RAPGEF2: variants seen among roughly 807,000 people sequenced by gnomAD.
RAPGEF2 encodes the protein PDZ domain containing guanine nucleotide exchange factor (GEF) 1.
RAPGEF2 carries 54 observed loss-of-function variants against 186.7 expected under a neutral mutation model. That is an observed-to-expected ratio of 0.29 (90% CI 0.23 to 0.36). RAPGEF2 has a LOEUF of 0.36. Ranked by LOEUF, RAPGEF2 falls within the 10% of genes least tolerant of loss-of-function variation. The probability of loss-of-function intolerance (pLI) is 1.00; values close to 1 mark genes in which losing one functional copy is unlikely to be tolerated. For synonymous variants in RAPGEF2, 712 were observed against 705.9 expected (o/e 1.01, Z -0.14); for missense variants, 1,532 against 2,045.0 (o/e 0.75, Z 4.84).
At chr4:159,327,091 T>C (rs1766027866) in intron 11 of RAPGEF2, 1 of 152,222 alleles carries the variant, frequency 6.6e-6, no homozygotes, top group Non-Finnish European at 1.5e-5. Context: ...GAGAATACAG[T>C]TTGCTGTGGA....
chr4:159,157,632 T>C (rs1744270305), intron 1 of RAPGEF2, among the ~76,000 whole-genome samples: 1 of 152,220 alleles, frequency 6.6e-6, no homozygotes, highest in South Asian at 2.1e-4. Flanking sequence ...ATCTGTAATC[T>C]TCGTATCTGT....
intron 8 of RAPGEF2, among the ~76,000 whole-genome samples, chr4:159,312,038 T>G (rs562082672): frequency 1.3e-4 from 20 of 152,300 alleles, no homozygotes; most frequent in Non-Finnish European, 2.5e-4. Context: ...TTGGGAGAGA[T>G]AAATCCAGTT....
At chr4:159,257,096 T>C (rs1350795432) in intron 7 of RAPGEF2, among the ~76,000 whole-genome samples, 1 of 146,168 alleles carries the variant, frequency 6.8e-6, no homozygotes, top group African/African-American at 2.5e-5. Context: ...TTCGGTGTTT[T>C]TGTTTTGTTT....
intron 1 of RAPGEF2, among the ~76,000 whole-genome samples, chr4:159,110,286 T>G (rs1402547771): frequency 6.6e-6 from 1 of 152,150 alleles, no homozygotes; most frequent in Non-Finnish European, 1.5e-5. Context: ...AAATATCTGG[T>G]TAATCATATA....
chr4:159,293,114 A>G (rs1039568484), intron 7 of RAPGEF2, among the ~76,000 whole-genome samples: 18 of 152,316 alleles, frequency 1.2e-4, no homozygotes, highest in African/African-American at 4.3e-4. Context: ...GTGTGCTTAT[A>G]TATTTTGTAT....
intron 1 of RAPGEF2, among the ~76,000 whole-genome samples, chr4:159,131,462 G>T (rs532159916): frequency 4.8e-5 from 7 of 145,064 alleles, no homozygotes; most frequent in African/African-American, 1.8e-4. Flanking sequence ...TTTGTCAGCA[G>T]ATACTATGTT....
intron 4 of RAPGEF2, among the ~76,000 whole-genome samples, chr4:159,230,550 T>C (rs1292965555): frequency 6.6e-6 from 1 of 152,182 alleles, no homozygotes; most frequent in African/African-American, 2.4e-5. Context: ...TGAGTGCCAT[T>C]TCAAAGAAGC....
intron 17 of RAPGEF2, among the ~76,000 whole-genome samples, chr4:159,335,415 G>T (rs893449332): frequency 6.6e-6 from 1 of 152,178 alleles, no homozygotes; most frequent in African/African-American, 2.4e-5. Context: ...GGACATTTCT[G>T]AATTAGGTCT....
intron 7 of RAPGEF2, among the ~76,000 whole-genome samples, chr4:159,280,277 T>C (rs1005830276): frequency 2.0e-5 from 3 of 152,202 alleles, no homozygotes; most frequent in Non-Finnish European, 4.4e-5. Context: ...TTAAAATACA[T>C]ATAAATAAAT....
intron 1 of RAPGEF2, among the ~76,000 whole-genome samples, chr4:159,177,704 A>G (rs1321470166): frequency 6.6e-6 from 1 of 152,210 alleles, no homozygotes; most frequent in Non-Finnish European, 1.5e-5. Flanking sequence ...ATCAATAAAC[A>G]TAATGAAACT....
At chr4:159,162,690 C>T (rs1474084156) in intron 1 of RAPGEF2, among the ~76,000 whole-genome samples, 1 of 152,084 alleles carries the variant, frequency 6.6e-6, no homozygotes, top group Non-Finnish European at 1.5e-5. Context: ...CCCTCAGCCA[C>T]CCTGTGCATT....
Position 159,135,438 on chromosome 4 carries a change from T to C in RAPGEF2, c.69+31207T>C, listed in dbSNP as rs1741617862. ...TTCATCAGTTGATGAACATTTGGAT[T>C]GTTTCTACCTTTTGGCTCTTATGAA... is the stretch of plus-strand genomic sequence containing the variant. On this transcript the variant is annotated intron_variant, in intron 1 of 29. Transcript: ENST00000691494. 2.0e-5 allele frequency among the ~76,000 whole-genome samples: 3 copies of C among 152,342 alleles called. No homozygotes were observed. The South Asian group carries it at 6.2e-4, about 32-fold the overall frequency.
chr4:159,304,582 T>C, intron 8 of RAPGEF2, 109 bp downstream of exon 8: 10 of 967,262 alleles, frequency 1.0e-5, no homozygotes, highest in African/African-American at 1.7e-5. Flanking sequence ...ATATTACATG[T>C]GCATGTAAGT....
chr4:159,277,371 C>G (rs1005169082), intron 7 of RAPGEF2, among the ~76,000 whole-genome samples: 2 of 152,134 alleles, frequency 1.3e-5, no homozygotes, highest in African/African-American at 2.4e-5. Context: ...GTGAGTAGTG[C>G]CACAATTAAC....
At chr4:159,279,249 C>G (rs531866865) in intron 7 of RAPGEF2, among the ~76,000 whole-genome samples, 1 of 152,222 alleles carries the variant, frequency 6.6e-6, no homozygotes, top group African/African-American at 2.4e-5. Context: ...CTCACAGTCA[C>G]AAGCTAACGC....
intron 2 of RAPGEF2, among the ~76,000 whole-genome samples, chr4:159,190,181 T>C (rs760461801): frequency 1.3e-5 from 2 of 152,198 alleles, no homozygotes; most frequent in African/African-American, 2.4e-5. Context: ...AAGTAAAATA[T>C]AACAGTGTAG....
At chr4:159,199,314 AT>A (rs1749157285) in intron 3 of RAPGEF2, among the ~76,000 whole-genome samples, 1 of 152,156 alleles carries the variant, frequency 6.6e-6, no homozygotes, top group Admixed American at 6.5e-5. Context: ...TAAAATGAAA[AT>A]GTTTTATTTT....
chr4:159,201,460 T>G (rs1749402377), intron 3 of RAPGEF2, among the ~76,000 whole-genome samples: 1 of 152,180 alleles, frequency 6.6e-6, no homozygotes, highest in South Asian at 2.1e-4. Context: ...CTCTTGACAT[T>G]GAAAACCTCT....
At chr4:159,170,727 AT>A (rs143993315) in intron 1 of RAPGEF2, among the ~76,000 whole-genome samples, 2,211 of 152,204 alleles carry the variant, frequency 0.015, 22 homozygotes, top group Non-Finnish European at 0.022. Context: ...CCATTCATCT[AT>A]TTTTGATTTT....
Sources: allele counts gnomAD v4.1 joint callset (sites outside exome capture counted in the v4.1 genomes callset), GRCh38; gene constraint gnomAD v4.1.1; transcripts MANE v1.5; gene names NCBI Gene and HGNC (gene_info 2026-07-23, HGNC 2026-07-21).